EIF3J: variants seen among roughly 807,000 people sequenced by gnomAD.
The protein encoded by EIF3J is eukaryotic translation initiation factor 3, subunit 1 (alpha, 35kD).
EIF3J carries 15 observed loss-of-function variants against 39.0 expected under a neutral mutation model. That is an observed-to-expected ratio of 0.38 (90% CI 0.26 to 0.59). The LOEUF (loss-of-function observed/expected upper bound fraction) is 0.59. EIF3J is among the 20% of genes least tolerant of loss of function. The pLI is 0.60. For missense variants in EIF3J, 226 were observed against 308.6 expected, an observed-to-expected ratio of 0.73 and a Z score of 2.00; for synonymous variants, 98 against 112.9, an observed-to-expected ratio of 0.87 and a Z score of 0.84.
intron 2 of EIF3J, among the ~76,000 whole-genome samples, chr15:44,539,760 C>T (rs1373215758): frequency 8.5e-5 from 12 of 141,874 alleles, no homozygotes; most frequent in African/African-American, 3.2e-4. Flanking sequence ...TAACTTAAAG[C>T]AATCTATCTA....
intron 7 of EIF3J, chr15:44,560,545 G>T (rs970274229): frequency 4.0e-6 from 2 of 501,306 alleles, no homozygotes; most frequent in African/African-American, 3.9e-5. Flanking sequence ...TCACAGACTG[G>T]GTTCAAATAC....
At chr15:44,539,738 T>C (rs868847966) in intron 2 of EIF3J, among the ~76,000 whole-genome samples, 10 of 150,236 alleles carry the variant, frequency 6.7e-5, no homozygotes, top group East Asian at 1.9e-4. Context: ...TTTTCTTTTT[T>C]TTTTTTTTTT....
At chr15:44,537,470 G>C in intron 2 of EIF3J, 43 bp downstream of exon 2, 2 of 1,462,194 alleles carry the variant, frequency 1.4e-6, no homozygotes, top group Non-Finnish European at 1.8e-6. Context: ...AAGCGGGCTG[G>C]CGCTGTTGCC....
At chr15:44,551,058 A>G (rs946748830) in intron 3 of EIF3J, 128 bp downstream of exon 3, 54 of 1,398,100 alleles carry the variant, frequency 3.9e-5, no homozygotes, top group Admixed American at 5.7e-5. Flanking sequence ...GTGTCCTTCC[A>G]TTCCCACTTT....
Position 44,561,341 on chromosome 15 carries a change from T to A in EIF3J, c.*192T>A. The A allele has an allele frequency of 1.9e-6, 1 of 522,444 alleles. No individual in the cohort carries two copies. Among genetic ancestry groups the A allele is most frequent in the Non-Finnish European group, 3.1e-6 (1 of 321,072 alleles). 32.4% of individuals were successfully genotyped at this position (522,444 alleles called of 1,614,324 possible). A position where few individuals can be genotyped will look rare whatever the true frequency, so the allele number is the denominator to read the frequency against. ...GAACTTGGATCTTGCTGCCAAGGGGTTAAAATTGGGAACCTAAGTTGCTAC... is the reference window on the plus strand; with the variant it reads ...GAACTTGGATCTTGCTGCCAAGGGGATAAAATTGGGAACCTAAGTTGCTAC... On this transcript the variant is annotated 3_prime_UTR_variant, in exon 8 of 8. Coordinates refer to ENST00000261868, the MANE Select transcript of EIF3J (RefSeq NM_003758.4).
chr15:44,560,530 T>C (rs2082182965), intron 7 of EIF3J: 1 of 519,676 alleles, frequency 1.9e-6, no homozygotes, highest in Admixed American at 3.7e-5. Context: ...TAGAAATTGC[T>C]GAAATCACAG....
At chr15:44,551,571 A>C in intron 4 of EIF3J, 49 bp downstream of exon 4, 1 of 1,373,758 alleles carries the variant, frequency 7.3e-7, no homozygotes, top group South Asian at 1.3e-5. Flanking sequence ...GTAGTGGTAT[A>C]GTTTCTAACA....
At chr15:44,552,284 G>A (rs1246893461) in intron 4 of EIF3J, among the ~76,000 whole-genome samples, 2 of 151,904 alleles carry the variant, frequency 1.3e-5, no homozygotes, top group African/African-American at 2.4e-5. Context: ...GTCTCACTCC[G>A]TTACCTAGGC....
intron 2 of EIF3J, among the ~76,000 whole-genome samples, chr15:44,545,443 C>T (rs1337885492): frequency 6.6e-6 from 1 of 152,108 alleles, no homozygotes; most frequent in Non-Finnish European, 1.5e-5. Context: ...TGCTTTATTA[C>T]AGTGAATTGA....
chr15:44,540,681 T>A (rs971493144), intron 2 of EIF3J, among the ~76,000 whole-genome samples: 1 of 152,206 alleles, frequency 6.6e-6, no homozygotes, highest in Non-Finnish European at 1.5e-5. Context: ...AGTCAAGTGA[T>A]CTATCCTCCT....
chr15:44,549,127 C>T (rs2082077344), intron 2 of EIF3J, among the ~76,000 whole-genome samples: 1 of 152,172 alleles, frequency 6.6e-6, no homozygotes, highest in African/African-American at 2.4e-5. Flanking sequence ...GGCGAAGTGG[C>T]TCATGCCTGT....
chr15:44,538,385 G>A (rs754881581), intron 2 of EIF3J, among the ~76,000 whole-genome samples: 27 of 151,814 alleles, frequency 1.8e-4, no homozygotes, highest in Non-Finnish European at 4.4e-5. Flanking sequence ...TATTTGTGCA[G>A]ATAAAGTTTT....
chr15:44,550,615 C>A, intron 2 of EIF3J: 1 of 275,004 alleles, frequency 3.6e-6, no homozygotes, highest in Non-Finnish European at 6.8e-6. Context: ...GAGAAATGCG[C>A]AGAGCCTCTA....
rs2082130350 is a variant in EIF3J at position 44,554,675 on chromosome 15, G to A, written c.409+8G>A. Reference sequence around the variant, plus strand: ...TAGCAAAGGAAACTTTTGGTAAGACGGGATTATGATTGCAATACAGTATTA... The same window carrying A: ...TAGCAAAGGAAACTTTTGGTAAGACAGGATTATGATTGCAATACAGTATTA... On this transcript the variant is annotated splice_region_variant and intron_variant, in intron 5 of 7. Transcript: ENST00000261868. 8.2e-6 allele frequency: 13 copies of A among 1,587,500 alleles called. No individual in the cohort carries two copies. The highest frequency in any genetic ancestry group is 4.5e-5 in the South Asian group (4 of 88,978).
intron 2 of EIF3J, among the ~76,000 whole-genome samples, chr15:44,548,323 G>A (rs2082070722): frequency 1.3e-5 from 2 of 152,154 alleles, no homozygotes; most frequent in African/African-American, 4.8e-5. Context: ...GCTGAGGCTG[G>A]AGAGTCACTT....
intron 2 of EIF3J, among the ~76,000 whole-genome samples, chr15:44,547,980 G>A (rs577481754): frequency 6.6e-5 from 10 of 152,200 alleles, no homozygotes; most frequent in African/African-American, 2.4e-4. Flanking sequence ...TGCTAATGGA[G>A]AAGCTTTCTT....
At chr15:44,548,248 C>T (rs898630467) in intron 2 of EIF3J, among the ~76,000 whole-genome samples, 1 of 152,126 alleles carries the variant, frequency 6.6e-6, no homozygotes, top group Non-Finnish European at 1.5e-5. Flanking sequence ...AACCCCGTCT[C>T]TACTAAAAAT....
intron 2 of EIF3J, among the ~76,000 whole-genome samples, chr15:44,541,564 C>G (rs2082014710): frequency 6.6e-6 from 1 of 151,218 alleles, no homozygotes. Context: ...CTCTCTCGTC[C>G]TACTCATTCA....
chr15:44,552,491 T>G (rs1046317834), intron 4 of EIF3J, among the ~76,000 whole-genome samples: 3 of 152,034 alleles, frequency 2.0e-5, no homozygotes, highest in Non-Finnish European at 4.4e-5. Flanking sequence ...GTGATCTGCC[T>G]GCTTCGACCT....
Sources: gnomAD v4.1 joint callset for allele counts (sites outside exome capture counted in the v4.1 genomes callset) on GRCh38, gnomAD v4.1.1 for gene constraint, MANE v1.5 for transcripts, NCBI Gene and HGNC (gene_info 2026-07-23, HGNC 2026-07-21) for gene names.